Variants in DPP6 observed in about 807,000 individuals in gnomAD.
The protein encoded by DPP6 is dipeptidyl peptidase like 6, also known as A-type potassium channel modulatory protein DPP6.
In DPP6, 69 loss-of-function variants were observed where a neutral mutation model predicts 122.6. That is an observed-to-expected ratio of 0.56 (90% confidence interval 0.46 to 0.69). The LOEUF is 0.69. DPP6 is among the 30% of genes least tolerant of loss of function. The pLI is 0.00. For missense variants in DPP6, 928 were observed against 1,116.9 expected (o/e 0.83, Z 2.41); for synonymous variants, 418 against 433.1 (o/e 0.97, Z 0.43).
At chr7:154,026,247 G>A (rs1798950834) in intron 1 of DPP6, 1 of 152,106 alleles carries the variant, frequency 6.6e-6, no homozygotes, top group African/African-American at 2.4e-5. Flanking sequence ...AATAGAGCCC[G>A]TGAGACTCCA....
chr7:154,651,079 C>T lies in DPP6; in HGVS notation c.680+13206C>T, dbSNP rs116700937. Among the ~76,000 whole-genome samples the T allele has an allele frequency of 3.0e-3, 458 of 152,194 alleles. 2 individuals carry two copies. The highest frequency in any genetic ancestry group is 0.01 in the African/African-American group (424 of 41,528). ...CAGGCAGTGTTAATGTATGCACTCACGACTTCATAGGTACCAGTACTGCAC... is the reference window on the plus strand; with the variant it reads ...CAGGCAGTGTTAATGTATGCACTCATGACTTCATAGGTACCAGTACTGCAC... On this transcript the variant is annotated intron_variant, in intron 6 of 25. Transcript: ENST00000377770.
intron 1 of DPP6, among the ~76,000 whole-genome samples, chr7:153,910,419 T>A (rs2129002838): frequency 6.6e-6 from 1 of 152,096 alleles, no homozygotes; most frequent in African/African-American, 2.4e-5. Context: ...TTTATTGAGC[T>A]TCCAGGTCAC....
At position 154,002,151 on chromosome 7, in the gene DPP6, A is replaced by G. The variant is rs1797717974; in HGVS notation, c.51+114417A>G. On this transcript the variant is annotated intron_variant, in intron 1 of 25. Coordinates refer to the DPP6 transcript ENST00000404039. The stretch of plus-strand genomic sequence containing the variant: ...CAGTTTAAGAGGAGGAAACAGGAAG[A>G]TGGCTCACATGTAGCTTGAGTGAAC... Among the ~76,000 whole-genome samples, 4 of 152,230 alleles carry G rather than the reference A, an allele frequency of 2.6e-5. No individual in the cohort carries two copies. In the South Asian group the frequency reaches 8.3e-4, roughly 31 times the overall value.
At chr7:154,300,363 C>A (rs1440359668) in intron 1 of DPP6, among the ~76,000 whole-genome samples, 1 of 152,182 alleles carries the variant, frequency 6.6e-6, no homozygotes, top group Non-Finnish European at 1.5e-5. Flanking sequence ...ACACCAGGAG[C>A]CTTCACTAGG....
rs562741775 is a variant in DPP6 at position 154,546,332 on chromosome 7, C to T, written c.552+5706C>T. 2.6e-5 allele frequency among the ~76,000 whole-genome samples: 4 copies of T among 152,092 alleles called. 1 individual carries two copies. The East Asian group carries it at 7.7e-4, about 29-fold the overall frequency. On this transcript the variant is annotated intron_variant, in intron 4 of 25. Coordinates refer to ENST00000377770, the MANE Select transcript of DPP6 (RefSeq NM_130797.4). ...TTTTCTAGTGTGGTGATTTCCATAA[C>T]TGCCATTTCAATGCCATTTATTCAA...
rs201445735 is a variant in DPP6 at position 153,955,027 on chromosome 7, T to A, written c.51+67293T>A. Among the ~76,000 whole-genome samples the A allele has an allele frequency of 1.3e-4, 20 of 152,158 alleles. No individual in the cohort carries two copies. The East Asian group carries it at 3.9e-3, about 29-fold the overall frequency. ...TGTAGCATTGGGGCAAATTGATATT[T>A]AAAAATTAAACTCTGTTCGGCTAGC... On this transcript the variant is annotated intron_variant, in intron 1 of 25. Coordinates refer to the DPP6 transcript ENST00000404039.
At chr7:154,889,723 G>A (rs953941619) in intron 25 of DPP6, 193 bp downstream of exon 25, 63 of 846,082 alleles carry the variant, frequency 7.4e-5, no homozygotes, top group Middle Eastern at 3.3e-4. Flanking sequence ...TGATAGCTCC[G>A]CTCTGTACTT....
intron 1 of DPP6, among the ~76,000 whole-genome samples, chr7:154,030,056 C>T (rs576544483): frequency 1.3e-5 from 2 of 151,890 alleles, no homozygotes; most frequent in Non-Finnish European, 2.9e-5. Context: ...ATTAGCCAGG[C>T]GTGGCGGCGC....
rs549154927 is a variant in DPP6 at position 154,583,701 on chromosome 7, G to A, written c.627+16785G>A. Among the ~76,000 whole-genome samples the A allele has an allele frequency of 7.9e-5, 12 of 152,238 alleles. No homozygotes were observed. The East Asian group carries it at 1.4e-3, about 17-fold the overall frequency. ...GAGGAGATCTGCATATGATTCGTGC[G>A]CACACTGCTGAGACACATGAACCTC... On this transcript the variant is annotated intron_variant, in intron 5 of 25. Coordinates refer to ENST00000377770, the MANE Select transcript of DPP6 (RefSeq NM_130797.4).
intron 1 of DPP6, among the ~76,000 whole-genome samples, chr7:154,332,023 A>G (rs904755238): frequency 3.3e-5 from 5 of 152,080 alleles, no homozygotes; most frequent in African/African-American, 1.2e-4. Context: ...TAAGAAATAC[A>G]GGACTCAAAA....
chr7:154,128,028 G>A (rs1208484382), intron 1 of DPP6, among the ~76,000 whole-genome samples: 2 of 149,858 alleles, frequency 1.3e-5, no homozygotes, highest in Admixed American at 6.7e-5. Context: ...GCCCAAGAAC[G>A]TCTCCACAGA....
At chr7:154,538,226 C>A (rs1299910295) in intron 3 of DPP6, among the ~76,000 whole-genome samples, 1 of 152,002 alleles carries the variant, frequency 6.6e-6, no homozygotes, top group Non-Finnish European at 1.5e-5. Context: ...ACGGCATAAT[C>A]TTTTTTATGT....
intron 1 of DPP6, among the ~76,000 whole-genome samples, chr7:154,019,254 A>G (rs1267048064): frequency 6.6e-6 from 1 of 152,164 alleles, no homozygotes; most frequent in East Asian, 1.9e-4. Flanking sequence ...AAATGTTTAT[A>G]AGAGGAAAAC....
At chr7:154,118,094 G>A (rs1380742509) in intron 1 of DPP6, among the ~76,000 whole-genome samples, 1 of 149,272 alleles carries the variant, frequency 6.7e-6, no homozygotes, top group African/African-American at 2.6e-5. Context: ...TGGAAGCTGA[G>A]GGAGGAAGAA....
intron 1 of DPP6, chr7:154,305,175 T>G (rs1422356555): frequency 2.1e-6 from 2 of 961,312 alleles, no homozygotes; most frequent in African/African-American, 3.5e-5. Flanking sequence ...GTCCCCTTCC[T>G]GCACCCAGCC....
intron 6 of DPP6, among the ~76,000 whole-genome samples, chr7:154,651,739 C>T (rs1166165746): frequency 6.6e-6 from 1 of 152,104 alleles, no homozygotes; most frequent in Non-Finnish European, 1.5e-5. Context: ...GATGGGCAGC[C>T]GAAAGGGAAA....
intron 4 of DPP6, among the ~76,000 whole-genome samples, chr7:154,558,714 A>G (rs1409472576): frequency 6.6e-6 from 1 of 152,244 alleles, no homozygotes; most frequent in African/African-American, 2.4e-5. Flanking sequence ...AGGCTGTACC[A>G]TCTAGGTTCG....
At chr7:154,047,829 T>C (rs1800099937), upstream of DPP6, among the ~76,000 whole-genome samples, 2 of 150,438 alleles carry the variant, frequency 1.3e-5, no homozygotes, top group South Asian at 4.2e-4. Flanking sequence ...GAAAGGTAGT[T>C]AGAAAGTGGG....
intron 8 of DPP6, among the ~76,000 whole-genome samples, chr7:154,761,065 C>A (rs1795518327): frequency 6.6e-6 from 1 of 152,148 alleles, no homozygotes; most frequent in African/African-American, 2.4e-5. Context: ...AAACTCTTGA[C>A]CTTAAGTGAT....
Sources: gnomAD v4.1 joint callset for allele counts (sites outside exome capture counted in the v4.1 genomes callset) on GRCh38, gnomAD v4.1.1 for gene constraint, MANE v1.5 for transcripts, NCBI Gene and HGNC (gene_info 2026-07-23, HGNC 2026-07-21) for gene names.